The following PCCA variants were observed in gnomAD, a reference collection of about 807,000 sequenced individuals.
The protein encoded by PCCA is propionyl-CoA carboxylase subunit alpha, also known as propionyl-CoA carboxylase alpha chain, mitochondrial.
A neutral mutation model predicts 101.3 loss-of-function variants in PCCA; 74 were observed. That is an observed-to-expected ratio of 0.73 (90% CI 0.61 to 0.89). The LOEUF (loss-of-function observed/expected upper bound fraction) is 0.89, where lower values mean the gene tolerates loss of function less well. Among genes scored for constraint, PCCA ranks in the 40% least tolerant of loss-of-function variants. PCCA has a pLI of 0.00. For missense variants in PCCA, 891 were observed against 907.0 expected (o/e 0.98, Z 0.23); for synonymous variants, 294 against 313.6 (o/e 0.94, Z 0.66).
At chr13:100,150,803 A>G in intron 4 of PCCA, 2 of 1,585,826 alleles carry the variant, frequency 1.3e-6, no homozygotes, top group Non-Finnish European at 1.7e-6. Context: ...AACGGACTGA[A>G]GGCTTGGAGC....
At chr13:100,219,958 G>T (rs879534272) in intron 7 of PCCA, among the ~76,000 whole-genome samples, 6 of 152,128 alleles carry the variant, frequency 3.9e-5, no homozygotes, top group Non-Finnish European at 7.4e-5. Context: ...TTTGAAATGT[G>T]TAATATGGAG....
At chr13:100,232,351 C>CGTGTGCGTGTGTGTGTGTGT (rs1555387984) in intron 7 of PCCA, among the ~76,000 whole-genome samples, 7 of 131,174 alleles carry the variant, frequency 5.3e-5, no homozygotes, top group Non-Finnish European at 9.8e-5. Context: ...TGTGTGTATG[C>CGTGTGCGTGTGTGTGTGTGT]GTGTGTGTGT....
chr13:100,263,035 G>A (rs765524510), intron 10 of PCCA, among the ~76,000 whole-genome samples: 2 of 152,174 alleles, frequency 1.3e-5, no homozygotes, highest in African/African-American at 2.4e-5. Context: ...TAAGATAGCC[G>A]ACCAGGCTAA....
intron 21 of PCCA, among the ~76,000 whole-genome samples, chr13:100,510,611 C>A (rs1428313283): frequency 6.6e-6 from 1 of 152,178 alleles, no homozygotes; most frequent in Non-Finnish European, 1.5e-5. Context: ...CTTTACAGGG[C>A]AATACTACAA....
chr13:100,192,018 A>G (rs1455543421), intron 6 of PCCA, among the ~76,000 whole-genome samples: 1 of 152,220 alleles, frequency 6.6e-6, no homozygotes, highest in African/African-American at 2.4e-5. Context: ...TTAAATTGTA[A>G]GAGTACTTAA....
At chr13:100,160,162 C>T (rs190847568) in intron 6 of PCCA, among the ~76,000 whole-genome samples, 74 of 152,146 alleles carry the variant, frequency 4.9e-4, no homozygotes, top group Admixed American at 2.4e-3. Context: ...TGAGTTTACG[C>T]GAAGTGGGAT....
Position 100,394,720 on chromosome 13 carries a change from T to C in PCCA, c.1746+26146T>C, listed in dbSNP as rs558262994. Among the ~76,000 whole-genome samples, 189 of 152,338 alleles carry C rather than the reference T, an allele frequency of 1.2e-3. 1 individual carries two copies. Among genetic ancestry groups the C allele is most frequent in the African/African-American group, 4.2e-3 (173 of 41,590 alleles). On this transcript the variant is annotated intron_variant, in intron 19 of 23. Coordinates refer to ENST00000376285, the MANE Select transcript of PCCA (RefSeq NM_000282.4). This position sits in a 1 kb window ranked among gnomAD's most constrained non-coding sequence, Gnocchi z 4.3. ...GGTCAGGTCTGCTTCTCAATAAATA[T>C]GTTGAAAGAATGAAATATATCCTTC...
intron 4 of PCCA, among the ~76,000 whole-genome samples, chr13:100,135,567 C>T (rs972464687): frequency 6.6e-6 from 1 of 152,016 alleles, no homozygotes; most frequent in Non-Finnish European, 1.5e-5. Context: ...TCGTAGGTTC[C>T]TTGGGGTTGT....
rs1020415582 is a variant in PCCA at position 100,412,203 on chromosome 13, A to G, written c.1747-13430A>G. On this transcript the variant is annotated intron_variant, in intron 19 of 23. Coordinates refer to ENST00000376285, the MANE Select transcript of PCCA (RefSeq NM_000282.4). ...TTGATAGCACAGTGCAGTCAACAAC[A>G]TCAGGAAGTTACTATTACTCCAGTA... is the stretch of plus-strand genomic sequence containing the variant. Among the ~76,000 whole-genome samples, 120 of 152,230 alleles carry G rather than the reference A, an allele frequency of 7.9e-4. 1 individual carries two copies. The highest frequency in any genetic ancestry group is 2.6e-4 in the Admixed American group (4 of 15,286).
intron 2 of PCCA, among the ~76,000 whole-genome samples, chr13:100,105,844 C>CAAAAAAAAAAAAAAAAAAAAAAAA (rs71114671): frequency 1.6e-5 from 1 of 62,508 alleles, no homozygotes; most frequent in Non-Finnish European, 2.7e-5. Context: ...GATCCTGTCT[C>CAAAAAAAAAAAAAAAAAAAAAAAA]AAAAAAAAAA....
chr13:100,307,903 G>T (rs1225963231), intron 15 of PCCA, among the ~76,000 whole-genome samples: 1 of 152,164 alleles, frequency 6.6e-6, no homozygotes, highest in Non-Finnish European at 1.5e-5. Flanking sequence ...CTGTCCGCCA[G>T]CCTGGAGTGC....
chr13:100,289,803 G>C (rs2064987000), intron 12 of PCCA, among the ~76,000 whole-genome samples: 1 of 152,024 alleles, frequency 6.6e-6, no homozygotes, highest in African/African-American at 2.4e-5. Flanking sequence ...GCTATTTTTA[G>C]TTTATCTCTT....
chr13:100,224,162 G>A (rs1232486075), intron 7 of PCCA, among the ~76,000 whole-genome samples: 1 of 152,236 alleles, frequency 6.6e-6, no homozygotes, highest in African/African-American at 2.4e-5. Context: ...GGAGGCTCAG[G>A]CATGGCGGGC....
intron 22 of PCCA, among the ~76,000 whole-genome samples, chr13:100,523,581 G>T (rs944608786): frequency 2.0e-5 from 3 of 152,160 alleles, no homozygotes; most frequent in African/African-American, 7.2e-5. Flanking sequence ...CTGAGTAAAT[G>T]GGCCGAGGTT....
chr13:100,489,934 T>G (rs1160153179), intron 21 of PCCA: 1 of 152,224 alleles, frequency 6.6e-6, no homozygotes, highest in Non-Finnish European at 1.5e-5. Flanking sequence ...TTCTGTGTTC[T>G]AGGAGCACGG....
chr13:100,230,508 G>A (rs1409744762), intron 7 of PCCA, among the ~76,000 whole-genome samples: 1 of 149,510 alleles, frequency 6.7e-6, no homozygotes, highest in East Asian at 2.0e-4. Flanking sequence ...TCGTGCCACT[G>A]CACTCCAGCC....
chr13:100,189,579 AG>A (rs1336260085), intron 6 of PCCA, among the ~76,000 whole-genome samples: 1 of 152,208 alleles, frequency 6.6e-6, no homozygotes, highest in African/African-American at 2.4e-5. Flanking sequence ...TTTGCTGTAC[AG>A]AAGCTTTTTA....
At chr13:100,200,135 C>T (rs2058379694) in intron 6 of PCCA, among the ~76,000 whole-genome samples, 1 of 152,030 alleles carries the variant, frequency 6.6e-6, no homozygotes, top group East Asian at 1.9e-4. Context: ...GACAGAGTCT[C>T]ACTCTGTCAC....
At chr13:100,366,559 A>AG (rs2075177669) in intron 18 of PCCA, among the ~76,000 whole-genome samples, 1 of 152,170 alleles carries the variant, frequency 6.6e-6, no homozygotes, top group Non-Finnish European at 1.5e-5. Flanking sequence ...AAGAAAAAAA[A>AG]GAGGAATACT....
Sources: gnomAD v4.1 joint callset for allele counts (sites outside exome capture counted in the v4.1 genomes callset) on GRCh38, gnomAD v4.1.1 for gene constraint, Gnocchi (gnomAD v3.1) non-coding constraint, MANE v1.5 for transcripts, NCBI Gene and HGNC (gene_info 2026-07-23, HGNC 2026-07-21) for gene names.